The following IL1RAPL1 variants were observed in gnomAD, a reference collection of about 807,000 sequenced individuals.
IL1RAPL1 encodes interleukin 1 receptor accessory protein like 1.
IL1RAPL1 carries 3 observed loss-of-function variants against 48.4 expected under a neutral mutation model. The ratio of observed to expected loss-of-function variants is 0.06; its 90% CI spans 0.03 to 0.16. The LOEUF is 0.16. Ranked by LOEUF, IL1RAPL1 falls within the 10% of genes least tolerant of loss-of-function variation. IL1RAPL1 has a pLI of 1.00. For synonymous variants in IL1RAPL1, 185 were observed against 187.7 expected (o/e 0.99, Z 0.12); for missense variants, 349 against 530.6 (o/e 0.66, Z 3.36).
chrX:29,036,892 C>G (rs1007414734), intron 2 of IL1RAPL1, among the ~76,000 whole-genome samples: 1 of 111,390 alleles, frequency 9.0e-6, no homozygotes, highest in Non-Finnish European at 1.9e-5. Flanking sequence ...AACCTAGAAC[C>G]CTTTTTGCAT....
At chrX:28,952,068 A>G (rs1157511422) in intron 2 of IL1RAPL1, among the ~76,000 whole-genome samples, 5 of 111,246 alleles carry the variant, frequency 4.5e-5, no homozygotes, top group African/African-American at 1.6e-4. Context: ...TACTATAACT[A>G]CAATAAATAG....
intron 2 of IL1RAPL1, among the ~76,000 whole-genome samples, chrX:29,203,151 A>G (rs995495815): frequency 1.8e-5 from 2 of 111,327 alleles, no homozygotes; most frequent in Non-Finnish European, 3.8e-5. Flanking sequence ...GGCACTGGGG[A>G]AGGAGGGAAA....
chrX:28,740,497 AT>A (rs1473577464), intron 1 of IL1RAPL1, among the ~76,000 whole-genome samples: 2 of 110,755 alleles, frequency 1.8e-5, no homozygotes, highest in Admixed American at 9.7e-5. Flanking sequence ...TCATAAATTT[AT>A]TTTTTTTCCT....
At chrX:29,211,120 GGAGAGAGAGA>G (rs3065741) in intron 2 of IL1RAPL1, among the ~76,000 whole-genome samples, 40 of 104,021 alleles carry the variant, frequency 3.8e-4, no homozygotes, top group Non-Finnish European at 6.1e-4. Context: ...AAAGAGAAAG[GGAGAGAGAGA>G]GAGAGAGAGA....
intron 8 of IL1RAPL1, among the ~76,000 whole-genome samples, chrX:29,925,412 G>GTTT (rs763481708): frequency 0.032 from 371 of 11,462 alleles, 144 homozygotes; most frequent in South Asian, 0.097. Context: ...TCCCGTAACT[G>GTTT]TTTTTTTTTT....
intron 6 of IL1RAPL1, among the ~76,000 whole-genome samples, chrX:29,743,113 TATG>T (rs1928247846): frequency 9.2e-6 from 1 of 109,133 alleles, no homozygotes; most frequent in Admixed American, 9.9e-5. Flanking sequence ...TATAAACTAA[TATG>T]ATATAATGTG....
chrX:29,352,783 T>G (rs1214505118), intron 3 of IL1RAPL1, among the ~76,000 whole-genome samples: 1 of 110,461 alleles, frequency 9.1e-6, no homozygotes, highest in Non-Finnish European at 1.9e-5. Context: ...GTGAACTATT[T>G]GATAACTTTA....
At chrX:29,243,547 G>A (rs1444276406) in intron 2 of IL1RAPL1, among the ~76,000 whole-genome samples, 2 of 111,760 alleles carry the variant, frequency 1.8e-5, no homozygotes, top group Non-Finnish European at 3.8e-5. Flanking sequence ...CTCCTGTGGC[G>A]GGACCAACTT....
At chrX:29,682,020 A>T (rs1005009729) in intron 6 of IL1RAPL1, among the ~76,000 whole-genome samples, 6 of 112,001 alleles carry the variant, frequency 5.4e-5, no homozygotes, top group Admixed American at 9.5e-5. Flanking sequence ...TTTGATCATT[A>T]CACATTATAT....
chrX:29,346,765 A>T (rs146963993), intron 3 of IL1RAPL1, among the ~76,000 whole-genome samples: 5 of 112,352 alleles, frequency 4.5e-5, no homozygotes, highest in African/African-American at 9.7e-5. Context: ...TTCTCAGGGT[A>T]CACTAAATCC....
At chrX:28,697,279 G>A (rs1223448453) in intron 1 of IL1RAPL1, among the ~76,000 whole-genome samples, 8 of 110,306 alleles carry the variant, frequency 7.3e-5, no homozygotes, top group African/African-American at 2.6e-4. Flanking sequence ...TTAACCCTAT[G>A]TGTTTTCTGC....
At chrX:29,612,394 A>G (rs1167835811) in intron 5 of IL1RAPL1, among the ~76,000 whole-genome samples, 1 of 109,992 alleles carries the variant, frequency 9.1e-6, no homozygotes, top group East Asian at 2.8e-4. Flanking sequence ...TATGGATGCC[A>G]GATTTAAACT....
intron 1 of IL1RAPL1, among the ~76,000 whole-genome samples, chrX:28,679,625 G>T (rs1935035456): frequency 9.0e-6 from 1 of 111,293 alleles, no homozygotes; most frequent in East Asian, 2.8e-4. Context: ...ACTTTGAACT[G>T]ATTTTTGAAT....
rs979344755 is a variant in IL1RAPL1 at position 29,473,823 on chromosome X, G to A, written c.703+74515G>A. On this transcript the variant is annotated intron_variant, in intron 5 of 10. Coordinates refer to ENST00000378993, the MANE Select transcript of IL1RAPL1 (RefSeq NM_014271.4). ...TCACCCTGCCTATTTCACCCTGAAT[G>A]ATTTGTCTTACCCTTTGATCTACAG... 1.3e-4 allele frequency among the ~76,000 whole-genome samples: 14 copies of A among 111,178 alleles called. 1 individual carries two copies. Among genetic ancestry groups the A allele is most frequent in the Admixed American group, 1.1e-3 (11 of 10,439 alleles).
At chrX:29,817,436 T>A (rs758313226) in intron 6 of IL1RAPL1, among the ~76,000 whole-genome samples, 4 of 111,825 alleles carry the variant, frequency 3.6e-5, no homozygotes, top group Non-Finnish European at 7.5e-5. Flanking sequence ...GTAGCTTATT[T>A]TTTTTTTGGT....
At chrX:29,670,302 T>G (rs921197951) in intron 6 of IL1RAPL1, among the ~76,000 whole-genome samples, 1 of 111,757 alleles carries the variant, frequency 8.9e-6, no homozygotes, top group Non-Finnish European at 1.9e-5. Context: ...CTTAAGCAAA[T>G]TGGAAGTGAC....
At chrX:28,621,049 A>G (rs1351056823) in intron 1 of IL1RAPL1, among the ~76,000 whole-genome samples, 1 of 112,058 alleles carries the variant, frequency 8.9e-6, no homozygotes, top group Admixed American at 9.5e-5. Context: ...TTCCTTGGAG[A>G]AGTCTTCTCT....
chrX:29,425,684 A>G (rs900262342), intron 5 of IL1RAPL1, among the ~76,000 whole-genome samples: 1 of 111,163 alleles, frequency 9.0e-6, no homozygotes, highest in Non-Finnish European at 1.9e-5. Flanking sequence ...GGCTCAAGCA[A>G]TCCGCCCACC....
intron 6 of IL1RAPL1, among the ~76,000 whole-genome samples, chrX:29,868,533 C>T (rs890317681): frequency 2.7e-5 from 3 of 111,875 alleles, no homozygotes; most frequent in African/African-American, 6.5e-5. Context: ...TAACACAATG[C>T]GTGGCACATG....
Sources: allele counts gnomAD v4.1 joint callset (sites outside exome capture counted in the v4.1 genomes callset), GRCh38; gene constraint gnomAD v4.1.1; transcripts MANE v1.5; gene names NCBI Gene and HGNC (gene_info 2026-07-23, HGNC 2026-07-21).